The following SLC14A2 variants were observed in gnomAD, a reference collection of about 807,000 sequenced individuals.
SLC14A2 encodes the protein solute carrier family 14 member 2.
Under a neutral mutation model 104.6 loss-of-function variants are expected in SLC14A2, and 91 were observed. The observed-to-expected ratio is 0.87, with a 90% CI of 0.73 to 1.04. SLC14A2 has a LOEUF of 1.04. Ranked by LOEUF, SLC14A2 falls within the 50% of genes least tolerant of loss-of-function variation. The pLI, the probability that SLC14A2 is intolerant of heterozygous loss-of-function variation, is 0.00. For synonymous variants in SLC14A2, 476 were observed against 466.4 expected, an observed-to-expected ratio of 1.02 and a Z score of -0.27; for missense variants, 1,189 against 1,156.0, an observed-to-expected ratio of 1.03 and a Z score of -0.41.
intron 1 of SLC14A2, among the ~76,000 whole-genome samples, chr18:45,465,901 G>C (rs1242445723): frequency 6.6e-6 from 1 of 150,996 alleles, no homozygotes; most frequent in African/African-American, 2.4e-5. Flanking sequence ...ATGTCTGCTG[G>C]ACAGAAAAAA....
At chr18:45,502,950 T>C (rs2043222178) in intron 2 of SLC14A2, among the ~76,000 whole-genome samples, 2 of 151,996 alleles carry the variant, frequency 1.3e-5, no homozygotes, top group Non-Finnish European at 2.9e-5. Context: ...AATAAAATAT[T>C]TTCTTTTGTA....
At chr18:45,536,585 G>A (rs72902343) in intron 2 of SLC14A2, among the ~76,000 whole-genome samples, 16,064 of 152,122 alleles carry the variant, frequency 0.11, 904 homozygotes, top group Non-Finnish European at 0.12. Context: ...ATTAAGAGCC[G>A]CTCTTCTCCA....
At chr18:45,266,154 T>C (rs773147775) in intron 1 of SLC14A2, among the ~76,000 whole-genome samples, 1 of 152,168 alleles carries the variant, frequency 6.6e-6, no homozygotes, top group Non-Finnish European at 1.5e-5. Flanking sequence ...ATGGAGGTCA[T>C]TGATGCCTGC....
intron 1 of SLC14A2, among the ~76,000 whole-genome samples, chr18:45,449,396 T>C (rs1471131201): frequency 1.3e-5 from 2 of 152,166 alleles, no homozygotes; most frequent in African/African-American, 4.8e-5. Flanking sequence ...CTCTGACCAT[T>C]TCCAAAACAC....
chr18:45,463,517 G>A (rs2087083509), intron 1 of SLC14A2, among the ~76,000 whole-genome samples: 1 of 152,228 alleles, frequency 6.6e-6, no homozygotes, highest in Non-Finnish European at 1.5e-5. Flanking sequence ...ATTGCGAAAA[G>A]CAAGGCCATT....
chr18:45,475,646 T>TATATATATATATATATATTTAGG (rs2087353923), intron 1 of SLC14A2, among the ~76,000 whole-genome samples: 4 of 9,388 alleles, frequency 4.3e-4, no homozygotes, highest in Non-Finnish European at 7.8e-4. Context: ...ATTTAGGATA[T>TATATATATATATATATATTTAGG]ATATATATAT....
At chr18:45,397,654 A>G (rs561893992) in intron 1 of SLC14A2, among the ~76,000 whole-genome samples, 1 of 152,276 alleles carries the variant, frequency 6.6e-6, no homozygotes, top group East Asian at 1.9e-4. Flanking sequence ...GCTGTGCAGA[A>G]GCTCTTAAGT....
In SLC14A2 at chr18:45,625,830, G is replaced by A; in HGVS notation, c.298G>A (p.Gly100Ser). 2 of 1,507,188 alleles carry A rather than the reference G, an allele frequency of 1.3e-6. No individual in the cohort carries two copies. Among genetic ancestry groups the A allele is most frequent in the Non-Finnish European group, 1.8e-6 (2 of 1,132,306 alleles). 93.4% of individuals were successfully genotyped at this position (1,507,188 alleles called of 1,614,324 possible). Residue 100 changes from glycine (G) to serine (S), a missense_variant, in exon 3 of 20, where the codon GGC (glycine) becomes AGC (serine). By Grantham distance (56) the Gly-to-Ser change is moderately conservative (BLOSUM62 0). Transcript: ENST00000255226. ...CLSKAVGYLT[G>S]DMKEYRIWLK... is the part of the protein sequence containing the mutation. ...CTCCAAAGCAGTGGGCTACCTCACG[G>A]GCGACATGAAGGAGTACAGGATCTG...
chr18:45,362,784 T>C (rs78917757), intron 1 of SLC14A2, among the ~76,000 whole-genome samples: 1,643 of 152,306 alleles, frequency 0.011, 32 homozygotes, highest in African/African-American at 0.038. Context: ...CTGCAGAAAC[T>C]TTTATCCTGA....
intron 2 of SLC14A2, among the ~76,000 whole-genome samples, chr18:45,555,655 T>G (rs2044122739): frequency 6.6e-6 from 1 of 152,228 alleles, no homozygotes; most frequent in Admixed American, 6.5e-5. Context: ...GATAGGAATT[T>G]TTTTTATTAT....
At chr18:45,307,277 G>T (rs1276769885) in intron 1 of SLC14A2, among the ~76,000 whole-genome samples, 2 of 151,894 alleles carry the variant, frequency 1.3e-5, no homozygotes, top group African/African-American at 2.4e-5. Context: ...AATTAGCTGG[G>T]TGTGGTGGTG....
At chr18:45,510,859 C>G (rs1007578763) in intron 2 of SLC14A2, among the ~76,000 whole-genome samples, 2 of 152,236 alleles carry the variant, frequency 1.3e-5, no homozygotes, top group African/African-American at 4.8e-5. Flanking sequence ...GACTCTTCCC[C>G]ACCAGCCAAT....
chr18:45,197,990 G>T, the SLC14A2 span, among the ~76,000 whole-genome samples: 2 of 152,182 alleles, frequency 1.3e-5, no homozygotes, highest in African/African-American at 4.8e-5. Context: ...ATAACATACA[G>T]ACCAAGTTAT....
At chr18:45,294,562 A>G (rs538285984) in intron 1 of SLC14A2, among the ~76,000 whole-genome samples, 1 of 152,366 alleles carries the variant, frequency 6.6e-6, no homozygotes, top group Admixed American at 6.5e-5. Context: ...CTAATATGCA[A>G]TGTGGCATGC....
chr18:45,315,166 G>C (rs1451818500), intron 1 of SLC14A2, among the ~76,000 whole-genome samples: 1 of 152,146 alleles, frequency 6.6e-6, no homozygotes, highest in Non-Finnish European at 1.5e-5. Context: ...AGGAGGCAGG[G>C]GAACCTACAG....
intron 1 of SLC14A2, among the ~76,000 whole-genome samples, chr18:45,447,983 G>A (rs146850313): frequency 5.3e-5 from 8 of 152,336 alleles, no homozygotes; most frequent in East Asian, 1.9e-4. Flanking sequence ...CCTTAACAGT[G>A]TTGTAAAATA....
chr18:45,494,007 G>T (rs1470560246), intron 2 of SLC14A2, among the ~76,000 whole-genome samples: 1 of 152,202 alleles, frequency 6.6e-6, no homozygotes, highest in Non-Finnish European at 1.5e-5. Context: ...AAGAGGAAAG[G>T]CAAGCATCTT....
At chr18:45,668,634 T>C (rs971127507) in intron 15 of SLC14A2, among the ~76,000 whole-genome samples, 157 bp downstream of exon 15, 1 of 152,242 alleles carries the variant, frequency 6.6e-6, no homozygotes, top group Admixed American at 6.5e-5. Flanking sequence ...GTTTATACCA[T>C]GGTAGCCCCA....
chr18:45,203,555 C>T, the SLC14A2 span, among the ~76,000 whole-genome samples: 1 of 152,172 alleles, frequency 6.6e-6, no homozygotes, highest in East Asian at 1.9e-4. Context: ...TGTACATCAT[C>T]ATTTTCCTAT....
Sources: allele counts gnomAD v4.1 joint callset (sites outside exome capture counted in the v4.1 genomes callset), GRCh38; gene constraint gnomAD v4.1.1; transcripts MANE v1.5; gene names NCBI Gene and HGNC (gene_info 2026-07-23, HGNC 2026-07-21).